DES: variants seen among roughly 807,000 people sequenced by gnomAD.
DES encodes cardiomyopathy, dilated 1F (autosomal dominant).
A neutral mutation model predicts 55.1 loss-of-function variants in DES; 34 were observed. The ratio of observed to expected loss-of-function variants is 0.62; its 90% CI spans 0.47 to 0.82. The LOEUF (loss-of-function observed/expected upper bound fraction) is 0.82. DES is among the 40% of genes least tolerant of loss of function. The pLI, the probability that DES is intolerant of heterozygous loss-of-function variation, is 0.00. For synonymous variants in DES, 259 were observed against 270.8 expected, an observed-to-expected ratio of 0.96 and a Z score of 0.43; for missense variants, 596 against 645.9, an observed-to-expected ratio of 0.92 and a Z score of 0.84.
Position 219,420,661 on chromosome 2 carries a change from G to GTGGCCTCGCCCGGGGAC in DES, c.897+10_897+26dup, listed in dbSNP as rs762634257. The GTGGCCTCGCCCGGGGAC allele has an allele frequency of 3.7e-6, 6 of 1,613,924 alleles. No individual in the cohort carries two copies. The East Asian group carries it at 1.3e-4, about 36-fold the overall frequency. On this transcript the variant is annotated splice_donor_region_variant and intron_variant, in intron 4 of 8. Coordinates refer to ENST00000373960, the MANE Select transcript of DES (RefSeq NM_001927.4). This position sits in a 1 kb window ranked among gnomAD's most constrained non-coding sequence, Gnocchi z 6.0. ...GAGGAGTGGTACAAGTCGAAGGTGG[G>GTGGCCTCGCCCGGGGAC]TGGCCTCGCCCGGGGACTGGCATCT...
Position 219,420,330 on chromosome 2 carries a change from A to G in DES, c.719A>G (p.Lys240Arg). The change falls in exon 3 of 9, where the codon AAG (lysine) becomes AGG (arginine). Residue 240 changes from lysine (K) to arginine (R), a missense_variant. Transcript: ENST00000373960. The surrounding 1 kb of genome is among the most constrained non-coding windows in gnomAD (Gnocchi z 6.0). Reference sequence around the variant, plus strand: ...CTCAACGAGGAGATCGCGTTCCTTAAGAAAGTGCATGAAGAGGTATACCTT... The same window carrying G: ...CTCAACGAGGAGATCGCGTTCCTTAGGAAAGTGCATGAAGAGGTATACCTT... ...ESLNEEIAFL[K>R]KVHEEEIREL... 1 of 1,614,126 alleles carries G rather than the reference A, an allele frequency of 6.2e-7. No homozygotes were observed. The highest frequency in any genetic ancestry group is 2.2e-5 in the East Asian group (1 of 44,876).
chr2:219,421,705 C>G (rs558305633), intron 6 of DES, 145 bp downstream of exon 6: 1 of 733,812 alleles, frequency 1.4e-6, no homozygotes, highest in Non-Finnish European at 2.2e-6. Context: ...TCGCTCTTGT[C>G]GCCCAGTCTG....
chr2:219,420,780 C>G lies in DES; in HGVS notation c.898-48C>G. ...TTCATGCTCCCTTGCTCATCCCTAC[C>G]CGTGCCCTGCATCCTTCTCATTTTT... On this transcript the variant is annotated intron_variant, in intron 4 of 8. Coordinates refer to ENST00000373960, the MANE Select transcript of DES (RefSeq NM_001927.4). The surrounding 1 kb of genome is among the most constrained non-coding windows in gnomAD (Gnocchi z 6.0). 6.2e-7 allele frequency: 1 copy of G among 1,613,470 alleles called. No homozygotes were observed. Among genetic ancestry groups the G allele is most frequent in the South Asian group, 1.1e-5 (1 of 91,052 alleles).
intron 8 of DES, 21 bp downstream of exon 8, chr2:219,425,766 C>T: frequency 6.2e-7 from 1 of 1,607,078 alleles, no homozygotes; most frequent in Non-Finnish European, 8.5e-7. Flanking sequence ...TGTCTGGGCT[C>T]CTTACCCTTG....
chr2:219,418,560 C>T lies in DES; in HGVS notation c.98C>T (p.Pro33Leu). The T allele has an allele frequency of 6.2e-7, 1 of 1,603,872 alleles. No individual in the cohort carries two copies. Among genetic ancestry groups the T allele is most frequent in the Non-Finnish European group, 8.5e-7 (1 of 1,175,966 alleles). The change falls in exon 1 of 9, where the codon CCC (proline) becomes CTC (leucine). Residue 33 changes from proline to leucine, a missense_variant. By Grantham distance (98) the Pro-to-Leu change is moderately conservative. Transcript: ENST00000373960. ...CCACTCGGCTCCCCGCTGAGTTCGC[C>T]CGTGTTCCCGCGGGCGGGTTTCGGC... is the stretch of plus-strand genomic sequence containing the variant. ...GFPLGSPLSS[P>L]VFPRAGFGSK...
At chr2:219,421,078 G>A in intron 5 of DES, 125 bp downstream of exon 5, 1 of 1,390,918 alleles carries the variant, frequency 7.2e-7, no homozygotes, top group Non-Finnish European at 9.9e-7. Context: ...TACAATAGGG[G>A]TAAAACCAGA....
Position 219,419,751 on chromosome 2 carries a change from C to T in DES, c.579-344C>T, listed in dbSNP as rs1168702618. Among the ~76,000 whole-genome samples the T allele has an allele frequency of 6.6e-6, 1 of 152,182 alleles. No individual in the cohort carries two copies. The highest frequency in any genetic ancestry group is 1.5e-5 in the Non-Finnish European group (1 of 68,032). Reference sequence around the variant, plus strand: ...GTGAGCACAGTCACCCTCCTGCCACCAAAGTCATAAATATTAATTGAGCAG... The same window carrying T: ...GTGAGCACAGTCACCCTCCTGCCACTAAAGTCATAAATATTAATTGAGCAG... On this transcript the variant is annotated intron_variant, in intron 1 of 8. Transcript: ENST00000373960. The surrounding 1 kb of genome is among the most constrained non-coding windows in gnomAD (Gnocchi z 4.3).
rs1358038961 is a variant in DES at position 219,418,707 on chromosome 2, C to T, written c.245C>T (p.Ser82Phe). The T allele has an allele frequency of 2.6e-6, 4 of 1,566,710 alleles. No individual in the cohort carries two copies. The African/African-American group carries it at 4.0e-5, about 16-fold the overall frequency. Residue 82 changes from serine (S) to phenylalanine (F), a missense_variant, in exon 1 of 9, where the codon TCC (serine) becomes TTC (phenylalanine). By Grantham distance (155) the Ser-to-Phe change is radical. Transcript: ENST00000373960. The stretch of plus-strand genomic sequence containing the variant: ...CTGGGGACCACCCGCACGCCCTCCT[C>T]CTACGGCGCAGGCGAGCTGCTGGAC... ...SRLGTTRTPS[S>F]YGAGELLDFS...
chr2:219,426,001 C>T lies in DES; in HGVS notation c.*11C>T, dbSNP rs369913496. 6.2e-7 allele frequency: 1 copy of T among 1,613,824 alleles called. No homozygotes were observed. Among genetic ancestry groups the T allele is most frequent in the African/African-American group, 1.3e-5 (1 of 74,886 alleles). ...CATGAAGTGCTCTAAAGACAGAGAC[C>T]CTCTGCCACCAGAGACCGTCCTCAC... On this transcript the variant is annotated 3_prime_UTR_variant, in exon 9 of 9. Transcript: ENST00000373960. This position sits in a 1 kb window ranked among gnomAD's most constrained non-coding sequence, Gnocchi z 4.5.
At chr2:219,421,868 T>C (rs566242218) in intron 6 of DES, among the ~76,000 whole-genome samples, 10 of 152,142 alleles carry the variant, frequency 6.6e-5, no homozygotes, top group African/African-American at 2.2e-4. Flanking sequence ...GGTTTCACTA[T>C]GTTGGGCAGC....
Position 219,418,396 on chromosome 2 carries a change from A to G in DES, c.-67A>G, listed in dbSNP as rs999512680. 8.8e-6 allele frequency: 13 copies of G among 1,478,732 alleles called. No homozygotes were observed. In the African/African-American group the frequency reaches 1.0e-4, roughly 12 times the overall value. 91.6% of individuals were successfully genotyped at this position (1,478,732 alleles called of 1,614,324 possible). A position where few individuals can be genotyped will look rare whatever the true frequency, so the allele number is the denominator to read the frequency against. The stretch of plus-strand genomic sequence containing the variant: ...GGCCCTGTCTCCCCTCGCCGCATCC[A>G]CTCTCCGGCCGGCCGCCTGCCCGCC... On this transcript the variant is annotated 5_prime_UTR_variant, in exon 1 of 9. Transcript: ENST00000373960.
At position 219,420,230 on chromosome 2, in the gene DES, T is replaced by C; in HGVS notation, c.640-21T>C. The C allele has an allele frequency of 6.2e-7, 1 of 1,614,184 alleles. No individual in the cohort carries two copies. The highest frequency in any genetic ancestry group is 1.6e-4 in the Middle Eastern group (1 of 6,062). ...CACCTGGGTGGCGGTGACCATGTCCTTCTCGCTTGGCCTCTCCCAGGACGT... is the reference window on the plus strand; with the variant it reads ...CACCTGGGTGGCGGTGACCATGTCCCTCTCGCTTGGCCTCTCCCAGGACGT... On this transcript the variant is annotated intron_variant, in intron 2 of 8. Coordinates refer to ENST00000373960, the MANE Select transcript of DES (RefSeq NM_001927.4). This position sits in a 1 kb window ranked among gnomAD's most constrained non-coding sequence, Gnocchi z 6.0.
chr2:219,424,793 C>T (rs1430760486), intron 7 of DES, among the ~76,000 whole-genome samples: 2 of 152,374 alleles, frequency 1.3e-5, no homozygotes, highest in East Asian at 1.9e-4. Context: ...TCCGTGTCCT[C>T]AGTGAGGAAA....
Position 219,419,104 on chromosome 2 carries a change from T to G in DES, c.578+64T>G, listed in dbSNP as rs907677. On this transcript the variant is annotated intron_variant, in intron 1 of 8. Coordinates refer to ENST00000373960, the MANE Select transcript of DES (RefSeq NM_001927.4). This position sits in a 1 kb window ranked among gnomAD's most constrained non-coding sequence, Gnocchi z 4.3. ...AGGGCACAGGAGGCTAGGCCTGGGG[T>G]CTGGGGTCCCGCTGTCAGCACCTGC... 1 allele frequency: 1,534,732 copies of G among 1,534,764 alleles called. 767,350 individuals are homozygous for G. Among genetic ancestry groups the G allele is most frequent in the Middle Eastern group, 1 (5,884 of 5,884 alleles).
intron 6 of DES, among the ~76,000 whole-genome samples, chr2:219,421,965 G>A (rs186585660): frequency 1.2e-4 from 19 of 152,188 alleles, no homozygotes; most frequent in Admixed American, 9.2e-4. Context: ...CGCACCCGGC[G>A]TGGAAACAAT....
chr2:219,425,803 G>C (rs765291236), intron 8 of DES, 58 bp downstream of exon 8: 24 of 1,604,286 alleles, frequency 1.5e-5, no homozygotes, highest in Non-Finnish European at 1.9e-5. Flanking sequence ...TGTCTGGGGG[G>C]ACTGTCTTCC....
chr2:219,425,733 A>T lies in DES; in HGVS notation c.1359A>T (p.Thr453=), dbSNP rs1397831288. The T allele has an allele frequency of 6.2e-7, 1 of 1,604,474 alleles. No homozygotes were observed. Among genetic ancestry groups the T allele is most frequent in the Non-Finnish European group, 8.5e-7 (1 of 1,175,784 alleles). Reference sequence around the variant, plus strand: ...CGGTGATGATCAAGACCATCGAGACACGGGATGGGGAGGTAAGTGGTCTGT... The same window carrying T: ...CGGTGATGATCAAGACCATCGAGACTCGGGATGGGGAGGTAAGTGGTCTGT... ...KKTVMIKTIE[T]RDGEVVSEAT... The change falls in exon 8 of 9, where the codon ACA becomes ACT. Residue 453 remains threonine (T), a synonymous_variant. Coordinates refer to ENST00000373960, the MANE Select transcript of DES (RefSeq NM_001927.4).
intron 7 of DES, among the ~76,000 whole-genome samples, chr2:219,424,088 A>T (rs1954494186): frequency 6.6e-6 from 1 of 152,240 alleles, no homozygotes; most frequent in African/African-American, 2.4e-5. Flanking sequence ...ATTGGGCCTC[A>T]GGAAGCAGCC....
chr2:219,420,653 G>A lies in DES; in HGVS notation c.894G>A (p.Ser298=), dbSNP rs747073500. The A allele has an allele frequency of 2.2e-5, 36 of 1,613,918 alleles. No individual in the cohort carries two copies. Among genetic ancestry groups the A allele is most frequent in the Middle Eastern group, 1.6e-4 (1 of 6,084 alleles). Residue 298 remains serine (S), a synonymous_variant, in exon 4 of 9, where the codon TCG becomes TCA. Coordinates refer to ENST00000373960, the MANE Select transcript of DES (RefSeq NM_001927.4). The surrounding 1 kb of genome is among the most constrained non-coding windows in gnomAD (Gnocchi z 6.0). ...CTGAAGCTGAGGAGTGGTACAAGTC[G>A]AAGGTGGGTGGCCTCGCCCGGGGAC... ...NISEAEEWYK[S]KVSDLTQAAN...
Sources: gnomAD v4.1 joint callset for allele counts (sites outside exome capture counted in the v4.1 genomes callset) on GRCh38, gnomAD v4.1.1 for gene constraint, Gnocchi (gnomAD v3.1) non-coding constraint, MANE v1.5 for transcripts, NCBI Gene and HGNC (gene_info 2026-07-23, HGNC 2026-07-21) for gene names.